CCDC175: variants seen among roughly 807,000 people sequenced by gnomAD.
CCDC175 encodes coiled-coil domain-containing protein 175.
A neutral mutation model predicts 114.6 loss-of-function variants in CCDC175; 100 were observed. That is an observed-to-expected ratio of 0.87 (90% CI 0.74 to 1.03). The LOEUF is 1.03. Ranked by LOEUF, CCDC175 falls within the 50% of genes least tolerant of loss-of-function variation. CCDC175 has a pLI of 0.00. For missense variants in CCDC175, 880 were observed against 917.8 expected, an observed-to-expected ratio of 0.96 and a Z score of 0.53; for synonymous variants, 306 against 308.7, an observed-to-expected ratio of 0.99 and a Z score of 0.09.
At chr14:59,572,859 GT>G (rs1173664848) in intron 2 of CCDC175, 46 bp from the exon 3 acceptor site, 1 of 1,179,734 alleles carries the variant, frequency 8.5e-7, no homozygotes. Flanking sequence ...CACTAAAATA[GT>G]AAGATTGATT....
chr14:59,516,719 C>T (rs1893112144), intron 17 of CCDC175, among the ~76,000 whole-genome samples: 1 of 152,150 alleles, frequency 6.6e-6, no homozygotes, highest in South Asian at 2.1e-4. Context: ...GATGGATTCC[C>T]AGCCGAATTC....
Position 59,565,287 on chromosome 14 carries a change from G to T in CCDC175, c.492-12C>A. The T allele has an allele frequency of 6.5e-7, 1 of 1,530,836 alleles. No individual in the cohort carries two copies. 94.8% of individuals were successfully genotyped at this position (1,530,836 alleles called of 1,614,324 possible). ...CTTCCTGCTTCTCCCTGGGAGGAAA[G>T]AATTGCTCACAGAGTGAGAAGCACA... On this transcript the variant is annotated splice_polypyrimidine_tract_variant and intron_variant, in intron 4 of 19. Transcript: ENST00000537690.
intron 16 of CCDC175, among the ~76,000 whole-genome samples, chr14:59,522,099 T>C (rs1189102632): frequency 3.9e-5 from 6 of 152,212 alleles, no homozygotes; most frequent in Non-Finnish European, 8.8e-5. Context: ...CTGCATGGAA[T>C]TACTTACTCA....
At position 59,521,639 on chromosome 14, in the gene CCDC175, C is replaced by A; in HGVS notation, c.2033G>T (p.Arg678Ile). 1 of 1,533,544 alleles carries A rather than the reference C, an allele frequency of 6.5e-7. No individual in the cohort carries two copies. The highest frequency in any genetic ancestry group is 8.7e-7 in the Non-Finnish European group (1 of 1,143,548). 95.0% of individuals were successfully genotyped at this position (1,533,544 alleles called of 1,614,324 possible). A position where few individuals can be genotyped will look rare whatever the true frequency, so the allele number is the denominator to read the frequency against. ...LYLKNNIEKY[R>I]EGQEALMHTS... ...GTGCATGAGGGCTTCTTGTCCTTCTCTGTATTTCTCTATGTTATTCTTCAA... is the reference window on the plus strand; with the variant it reads ...GTGCATGAGGGCTTCTTGTCCTTCTATGTATTTCTCTATGTTATTCTTCAA... Residue 678 changes from arginine to isoleucine, a missense_variant, in exon 17 of 20, where the codon AGA becomes ATA. Arg to Ile is a moderately conservative substitution (Grantham distance 97, BLOSUM62 -3). Coordinates refer to ENST00000537690, the MANE Select transcript of CCDC175 (RefSeq NM_001164399.2).
At chr14:59,510,620 T>A in intron 19 of CCDC175, 26 bp downstream of exon 19, 1 of 1,536,250 alleles carries the variant, frequency 6.5e-7, no homozygotes, top group Non-Finnish European at 8.7e-7. Flanking sequence ...AGTCCCATGT[T>A]ACCAAAGCTC....
At chr14:59,515,992 T>C (rs1238529575) in intron 17 of CCDC175, among the ~76,000 whole-genome samples, 1 of 152,142 alleles carries the variant, frequency 6.6e-6, no homozygotes, top group Non-Finnish European at 1.5e-5. Flanking sequence ...GCAATCAAAC[T>C]AGAACTCAGG....
intron 6 of CCDC175, among the ~76,000 whole-genome samples, chr14:59,561,713 T>C (rs1404707132): frequency 1.3e-5 from 2 of 152,198 alleles, no homozygotes; most frequent in African/African-American, 2.4e-5. Flanking sequence ...AATAATTGGA[T>C]ACTGTGAAAA....
intron 14 of CCDC175, among the ~76,000 whole-genome samples, chr14:59,530,026 C>T (rs1443114506): frequency 2.0e-5 from 3 of 152,156 alleles, no homozygotes; most frequent in Non-Finnish European, 4.4e-5. Flanking sequence ...CTGTTTCTTA[C>T]ATCCTCTACC....
intron 8 of CCDC175, among the ~76,000 whole-genome samples, chr14:59,545,598 T>C (rs1895055570): frequency 6.6e-6 from 1 of 152,222 alleles, no homozygotes; most frequent in Admixed American, 6.5e-5. Context: ...AACGTTAGTA[T>C]GTCCTTTTCC....
chr14:59,569,779 T>C (rs2140126781), intron 3 of CCDC175, among the ~76,000 whole-genome samples: 2 of 152,138 alleles, frequency 1.3e-5, no homozygotes, highest in South Asian at 4.2e-4. Context: ...TCACAGTAAA[T>C]TGAAAAGGGA....
chr14:59,531,722 T>G, intron 14 of CCDC175, 50 bp downstream of exon 14: 31 of 1,329,410 alleles, frequency 2.3e-5, no homozygotes, highest in Middle Eastern at 1.8e-4. Flanking sequence ...AAGATGACAG[T>G]GAAATCCTTA....
intron 18 of CCDC175, among the ~76,000 whole-genome samples, chr14:59,511,147 G>C (rs1050795943): frequency 1.3e-5 from 2 of 152,136 alleles, no homozygotes; most frequent in African/African-American, 4.8e-5. Context: ...TTGGAATCAG[G>C]CAGGATCTGG....
At position 59,521,680 on chromosome 14, in the gene CCDC175, A is replaced by C. The variant is rs1566599918; in HGVS notation, c.1996-4T>G. On this transcript the variant is annotated splice_region_variant and splice_polypyrimidine_tract_variant and intron_variant, in intron 16 of 19. Coordinates refer to ENST00000537690, the MANE Select transcript of CCDC175 (RefSeq NM_001164399.2). Reference sequence around the variant, plus strand: ...TATTCTTCAAGTATAAAATATACTGAAAATTAAAAGCATGTGATTGCTTTT... The same window carrying C: ...TATTCTTCAAGTATAAAATATACTGCAAATTAAAAGCATGTGATTGCTTTT... The C allele has an allele frequency of 1.4e-6, 2 of 1,443,640 alleles. No individual in the cohort carries two copies. Among genetic ancestry groups the C allele is most frequent in the East Asian group, 2.5e-5 (1 of 40,482 alleles). The allele number at this position is 1,443,640 out of a possible 1,614,324, so 89.4% of individuals were successfully genotyped here.
In CCDC175 at chr14:59,545,159, A is replaced by T. The variant is rs556421973; in HGVS notation, c.1172+4T>A. The T allele has an allele frequency of 5.5e-5, 84 of 1,536,318 alleles. No homozygotes were observed. The South Asian group carries it at 8.9e-4, about 16-fold the overall frequency. ...TTGAATCACACGTGTGGGTAAAGAC[A>T]TACTCATCATGAATCTTTTGTTTTT... On this transcript the variant is annotated splice_donor_region_variant and intron_variant, in intron 9 of 19. Coordinates refer to ENST00000537690, the MANE Select transcript of CCDC175 (RefSeq NM_001164399.2).
intron 19 of CCDC175, among the ~76,000 whole-genome samples, chr14:59,510,010 T>C (rs1444516586): frequency 6.6e-6 from 1 of 152,162 alleles, no homozygotes; most frequent in African/African-American, 2.4e-5. Context: ...TACCCCCACA[T>C]CCCATCTTCC....
chr14:59,515,256 C>A (rs4569175), intron 17 of CCDC175, among the ~76,000 whole-genome samples: 149,069 of 152,290 alleles, frequency 0.98, 73,035 homozygotes, highest in East Asian at 1. Context: ...AAACTGCATC[C>A]ACTAACAAGC....
chr14:59,527,322 C>T, intron 14 of CCDC175, 148 bp from the exon 15 acceptor site: 1 of 464,898 alleles, frequency 2.2e-6, no homozygotes. Flanking sequence ...ATGTTTACTC[C>T]TGTCTGACTC....
intron 7 of CCDC175, among the ~76,000 whole-genome samples, chr14:59,552,773 G>T (rs1341172884): frequency 6.6e-6 from 1 of 152,196 alleles, no homozygotes; most frequent in Non-Finnish European, 1.5e-5. Context: ...GTCCTTAAAT[G>T]ACCTCATGGA....
chr14:59,537,996 T>C (rs1342350594), intron 13 of CCDC175, 27 bp downstream of exon 13: 1 of 1,479,674 alleles, frequency 6.8e-7, no homozygotes, highest in East Asian at 2.5e-5. Flanking sequence ...CATCCAAAAG[T>C]ATTCTTAGAT....
Sources: gnomAD v4.1 joint callset for allele counts (sites outside exome capture counted in the v4.1 genomes callset) on GRCh38, gnomAD v4.1.1 for gene constraint, MANE v1.5 for transcripts, NCBI Gene and HGNC (gene_info 2026-07-23, HGNC 2026-07-21) for gene names.